The following UHRF2 variants were observed in gnomAD, a reference collection of about 807,000 sequenced individuals.
UHRF2 encodes E3 ubiquitin-protein ligase UHRF2.
In UHRF2, 23 loss-of-function variants were observed where a neutral mutation model predicts 96.8. That is an observed-to-expected ratio of 0.24 (90% CI 0.17 to 0.34). The LOEUF (loss-of-function observed/expected upper bound fraction) is 0.34, where lower values mean the gene tolerates loss of function less well. Among genes scored for constraint, UHRF2 ranks in the 10% least tolerant of loss-of-function variants. The pLI is 1.00. For missense variants in UHRF2, 685 were observed against 981.5 expected (o/e 0.70, Z 4.04); for synonymous variants, 385 against 332.6 (o/e 1.16, Z -1.72).
rs779222732 is a variant in UHRF2, at chr9:6,499,845, G to T, written c.1919G>T (p.Gly640Val). The T allele has an allele frequency of 6.2e-7, 1 of 1,606,120 alleles. No homozygotes were observed. Among genetic ancestry groups the T allele is most frequent in the Non-Finnish European group, 8.5e-7 (1 of 1,176,088 alleles). Residue 640 changes from glycine (G) to valine (V), a missense_variant, in exon 13 of 16, where the codon GGT (glycine) becomes GTT (valine). By Grantham distance (109) the Gly-to-Val change is moderately radical. Coordinates refer to ENST00000276893, the MANE Select transcript of UHRF2 (RefSeq NM_152896.3). ...CTCCCCCCCCATCAGTATCCAGCAGGTTACCCTTCAGATAAAGAAGGGAAG... is the reference window on the plus strand; with the variant it reads ...CTCCCCCCCCATCAGTATCCAGCAGTTTACCCTTCAGATAAAGAAGGGAAG... ...RLCLRLQYPA[G>V]YPSDKEGKKP...
intron 4 of UHRF2, among the ~76,000 whole-genome samples, chr9:6,475,095 A>G (rs1823483944): frequency 6.6e-6 from 1 of 152,194 alleles, no homozygotes; most frequent in African/African-American, 2.4e-5. Flanking sequence ...TAAATCTTTC[A>G]TTTTAATTGA....
At chr9:6,449,403 C>T (rs759610818) in intron 3 of UHRF2, 1 of 152,232 alleles carries the variant, frequency 6.6e-6, no homozygotes, top group Non-Finnish European at 1.5e-5. Context: ...CCCCTTCCTT[C>T]TTTCAAAATG....
chr9:6,413,860 G>A, intron 1 of UHRF2: 1 of 491,088 alleles, frequency 2.0e-6, no homozygotes, highest in South Asian at 5.6e-5. Context: ...TGCGCCGCGC[G>A]GGGTCAGAAG....
At chr9:6,446,277 G>C (rs1429255041) in intron 3 of UHRF2, among the ~76,000 whole-genome samples, 1 of 151,594 alleles carries the variant, frequency 6.6e-6, no homozygotes, top group Non-Finnish European at 1.5e-5. Flanking sequence ...CAGCCTCCCA[G>C]GTAGATGGAA....
At chr9:6,441,080 T>G (rs1821134638) in intron 3 of UHRF2, among the ~76,000 whole-genome samples, 1 of 152,180 alleles carries the variant, frequency 6.6e-6, no homozygotes, top group African/African-American at 2.4e-5. Flanking sequence ...GCACCACGTG[T>G]TAGAAATGCA....
At chr9:6,485,071 G>A (rs960109608) in intron 8 of UHRF2, among the ~76,000 whole-genome samples, 6 of 152,084 alleles carry the variant, frequency 3.9e-5, no homozygotes, top group African/African-American at 1.2e-4. Flanking sequence ...GGGATTACAG[G>A]CGTGAGCCAC....
At chr9:6,447,530 C>T (rs997245368) in intron 3 of UHRF2, among the ~76,000 whole-genome samples, 3 of 152,040 alleles carry the variant, frequency 2.0e-5, no homozygotes, top group Admixed American at 6.6e-5. Context: ...ATGGGGCTAC[C>T]TGAGAGTAGA....
chr9:6,492,924 G>T (rs1247752194), intron 9 of UHRF2: 4 of 150,102 alleles, frequency 2.7e-5, no homozygotes, highest in African/African-American at 9.8e-5. Flanking sequence ...TTAATGGGAG[G>T]CTATTATTTT....
chr9:6,456,830 A>T (rs1822208116), intron 3 of UHRF2, among the ~76,000 whole-genome samples: 1 of 152,152 alleles, frequency 6.6e-6, no homozygotes, highest in African/African-American at 2.4e-5. Context: ...ATTGTCAAAG[A>T]TCAGATAGTT....
At chr9:6,440,648 C>CCTG (rs1229351132) in intron 3 of UHRF2, among the ~76,000 whole-genome samples, 2 of 152,160 alleles carry the variant, frequency 1.3e-5, no homozygotes, top group African/African-American at 4.8e-5. Flanking sequence ...ATGTCAACAA[C>CCTG]TTAGGGTATC....
chr9:6,445,433 G>A (rs1299271786), intron 3 of UHRF2, among the ~76,000 whole-genome samples: 2 of 152,000 alleles, frequency 1.3e-5, no homozygotes, highest in East Asian at 3.9e-4. Flanking sequence ...GGCTAATTTT[G>A]TACTTTTAGT....
chr9:6,435,537 C>A (rs1280579188), intron 3 of UHRF2, among the ~76,000 whole-genome samples: 1 of 152,086 alleles, frequency 6.6e-6, no homozygotes, highest in Non-Finnish European at 1.5e-5. Flanking sequence ...TTTAGAACAA[C>A]CCCCCAAAAA....
chr9:6,480,782 C>T (rs896031931), intron 6 of UHRF2, among the ~76,000 whole-genome samples: 3 of 152,178 alleles, frequency 2.0e-5, no homozygotes, highest in African/African-American at 7.2e-5. Context: ...AGTGCCTTCT[C>T]AAACATAATT....
At chr9:6,415,910 C>T (rs767504852) in intron 1 of UHRF2, among the ~76,000 whole-genome samples, 4 of 152,180 alleles carry the variant, frequency 2.6e-5, no homozygotes, top group South Asian at 4.1e-4. Flanking sequence ...TCCCTGGATT[C>T]TCAGGACCAG....
chr9:6,460,911 C>G (rs1822499283), intron 4 of UHRF2, 120 bp downstream of exon 4: 2 of 709,942 alleles, frequency 2.8e-6, no homozygotes, highest in African/African-American at 3.7e-5. Flanking sequence ...TGGAAATTTC[C>G]ATACTGAAGG....
chr9:6,446,831 T>C (rs891807441), intron 3 of UHRF2, among the ~76,000 whole-genome samples: 12 of 150,960 alleles, frequency 7.9e-5, no homozygotes, highest in South Asian at 2.1e-4. Context: ...GGTGACAGAG[T>C]GAGACTCTGT....
chr9:6,482,299 T>G (rs2130911981), intron 8 of UHRF2, among the ~76,000 whole-genome samples, 200 bp downstream of exon 8: 1 of 152,372 alleles, frequency 6.6e-6, no homozygotes, highest in Middle Eastern at 3.4e-3. Flanking sequence ...CTATGCATTT[T>G]CATCACTTTG....
chr9:6,468,922 G>A (rs764449034), intron 4 of UHRF2, among the ~76,000 whole-genome samples: 3 of 152,196 alleles, frequency 2.0e-5, no homozygotes, highest in Non-Finnish European at 2.9e-5. Context: ...TCCAGCAGTA[G>A]GAAGGTTGAA....
intron 2 of UHRF2, among the ~76,000 whole-genome samples, chr9:6,421,769 G>T (rs1819944618): frequency 6.6e-6 from 1 of 152,170 alleles, no homozygotes; most frequent in East Asian, 1.9e-4. Flanking sequence ...ACTTCTCTCT[G>T]TGTCTCCCTA....
Sources: gnomAD v4.1 joint callset for allele counts (sites outside exome capture counted in the v4.1 genomes callset) on GRCh38, gnomAD v4.1.1 for gene constraint, MANE v1.5 for transcripts, NCBI Gene and HGNC (gene_info 2026-07-23, HGNC 2026-07-21) for gene names.